CDH4: variants seen among roughly 807,000 people sequenced by gnomAD.
CDH4 encodes the protein cadherin-4.
CDH4 carries 33 observed loss-of-function variants against 86.0 expected under a neutral mutation model. That is an observed-to-expected ratio of 0.38 (90% CI 0.29 to 0.51). The LOEUF is 0.51. Ranked by LOEUF, CDH4 falls within the 20% of genes least tolerant of loss-of-function variation. CDH4 has a pLI of 0.86. For missense variants in CDH4, 1,114 were observed against 1,307.4 expected (o/e 0.85, Z 2.28); for synonymous variants, 555 against 549.4 (o/e 1.01, Z -0.14).
intron 2 of CDH4, among the ~76,000 whole-genome samples, chr20:61,313,445 G>A (rs2084458801): frequency 6.6e-6 from 1 of 152,140 alleles, no homozygotes; most frequent in Non-Finnish European, 1.5e-5. Context: ...GTTCACCATT[G>A]AGTCGCCCTT....
At chr20:61,545,652 G>A (rs544703181) in intron 2 of CDH4, among the ~76,000 whole-genome samples, 53 of 152,324 alleles carry the variant, frequency 3.5e-4, no homozygotes, top group African/African-American at 1.1e-3. Context: ...TGGCAGAGCC[G>A]TCAAGAGAAC....
chr20:61,823,593 T>C (rs190809279), intron 4 of CDH4, among the ~76,000 whole-genome samples: 8 of 152,272 alleles, frequency 5.3e-5, no homozygotes, highest in Admixed American at 5.2e-4. Flanking sequence ...TCAAAACTTG[T>C]CCAAAGATAC....
intron 8 of CDH4, among the ~76,000 whole-genome samples, chr20:61,908,929 G>A (rs1016887056): frequency 6.6e-6 from 1 of 152,354 alleles, no homozygotes; most frequent in Middle Eastern, 3.4e-3. Context: ...CTGCACCTGA[G>A]GGCTTCTCCG....
intron 2 of CDH4, among the ~76,000 whole-genome samples, chr20:61,431,879 A>T (rs2085248687): frequency 6.6e-6 from 1 of 151,888 alleles, no homozygotes; most frequent in Admixed American, 6.6e-5. Context: ...GTTTTATGTA[A>T]ATGGGGTAGT....
intron 2 of CDH4, chr20:61,717,943 C>G (rs1463746240): frequency 6.6e-6 from 1 of 152,210 alleles, no homozygotes; most frequent in Non-Finnish European, 1.5e-5. Flanking sequence ...GGCCGAGGAG[C>G]CCACCGCCTG....
chr20:61,380,259 T>G (rs900203987), intron 2 of CDH4, among the ~76,000 whole-genome samples: 1 of 152,146 alleles, frequency 6.6e-6, no homozygotes, highest in South Asian at 2.1e-4. Flanking sequence ...AAAAAATCCA[T>G]CTTACTATAC....
intron 2 of CDH4, among the ~76,000 whole-genome samples, chr20:61,650,010 T>G (rs1028037422): frequency 6.6e-6 from 1 of 152,190 alleles, no homozygotes; most frequent in Non-Finnish European, 1.5e-5. Flanking sequence ...CTCCCCAGGT[T>G]GTGCCAGCAG....
At chr20:61,458,936 G>A (rs990119392) in intron 2 of CDH4, among the ~76,000 whole-genome samples, 2 of 150,366 alleles carry the variant, frequency 1.3e-5, no homozygotes, top group African/African-American at 4.9e-5. Context: ...TCCTACATCT[G>A]AGCTTCTGCT....
intron 2 of CDH4, among the ~76,000 whole-genome samples, chr20:61,317,718 C>T (rs2084484442): frequency 6.6e-6 from 1 of 152,174 alleles, no homozygotes; most frequent in Non-Finnish European, 1.5e-5. Flanking sequence ...CCCAGTGTCC[C>T]CTGGGAGCAG....
At chr20:61,409,140 G>A (rs11698218) in intron 2 of CDH4, among the ~76,000 whole-genome samples, 32,830 of 152,168 alleles carry the variant, frequency 0.22, 4,586 homozygotes, top group East Asian at 0.54. Context: ...ACTCCATCAC[G>A]TGGTGGGGAC....
At chr20:61,318,476 G>A (rs6028111) in intron 2 of CDH4, among the ~76,000 whole-genome samples, 9 of 152,186 alleles carry the variant, frequency 5.9e-5, no homozygotes, top group South Asian at 2.1e-4. Flanking sequence ...TCATCTCTTA[G>A]GATTAACTGG....
intron 2 of CDH4, among the ~76,000 whole-genome samples, chr20:61,701,808 C>T (rs2087779688): frequency 6.6e-6 from 1 of 152,218 alleles, no homozygotes; most frequent in African/African-American, 2.4e-5. Flanking sequence ...ATTGGCAAAA[C>T]ATTTCCAGAT....
chr20:61,340,971 C>T (rs2084646478), intron 2 of CDH4, among the ~76,000 whole-genome samples: 1 of 152,228 alleles, frequency 6.6e-6, no homozygotes, highest in Non-Finnish European at 1.5e-5. Flanking sequence ...TGCCAAGCAA[C>T]AGAAAGCAAC....
At chr20:61,899,404 C>T (rs1047576851) in intron 8 of CDH4, among the ~76,000 whole-genome samples, 5 of 152,144 alleles carry the variant, frequency 3.3e-5, no homozygotes, top group African/African-American at 9.7e-5. Context: ...TTCCCCGTCC[C>T]AAGCAAGCAT....
At chr20:61,411,485 T>C (rs1207837196) in intron 2 of CDH4, among the ~76,000 whole-genome samples, 4 of 151,750 alleles carry the variant, frequency 2.6e-5, no homozygotes, top group Non-Finnish European at 5.9e-5. Flanking sequence ...AGTTTTCAAA[T>C]GGGCAGCCTT....
At chr20:61,679,307 T>G (rs1482571371) in intron 2 of CDH4, among the ~76,000 whole-genome samples, 1 of 152,098 alleles carries the variant, frequency 6.6e-6, no homozygotes, top group African/African-American at 2.4e-5. Flanking sequence ...AGAACAGAGG[T>G]TCTAAATTTG....
intron 8 of CDH4, among the ~76,000 whole-genome samples, chr20:61,898,239 C>A (rs893129666): frequency 3.3e-5 from 5 of 152,364 alleles, no homozygotes; most frequent in Non-Finnish European, 7.3e-5. Context: ...TTTTACCAAG[C>A]CTAATCAAGA....
At position 61,252,611 on chromosome 20, in the gene CDH4, G is replaced by C; in HGVS notation, c.57+41G>C. On this transcript the variant is annotated intron_variant, in intron 1 of 15. Coordinates refer to ENST00000614565, the MANE Select transcript of CDH4 (RefSeq NM_001794.5). The surrounding 1 kb of genome is among the most constrained non-coding windows in gnomAD (Gnocchi z 4.4). ...CCGCCCCCGCCGTTCGGAAGCCCCG[G>C]GCAGCGGGAGGTCGTCCCCGGATCC... is the stretch of plus-strand genomic sequence containing the variant. 8.6e-7 allele frequency: 1 copy of C among 1,164,046 alleles called. No individual in the cohort carries two copies. Among genetic ancestry groups the C allele is most frequent in the Non-Finnish European group, 1.1e-6 (1 of 934,604 alleles). The allele number at this position is 1,164,046 out of a possible 1,614,324, so 72.1% of individuals were successfully genotyped here. A position where few individuals can be genotyped will look rare whatever the true frequency, so the allele number is the denominator to read the frequency against.
intron 2 of CDH4, among the ~76,000 whole-genome samples, chr20:61,657,880 C>A (rs1400236937): frequency 6.6e-6 from 1 of 152,146 alleles, no homozygotes; most frequent in Non-Finnish European, 1.5e-5. Context: ...TGTGCTACGT[C>A]ACGGTGCCGG....
Sources: allele counts gnomAD v4.1 joint callset (sites outside exome capture counted in the v4.1 genomes callset), GRCh38; gene constraint gnomAD v4.1.1; non-coding constraint Gnocchi (gnomAD v3.1); transcripts MANE v1.5; gene names NCBI Gene and HGNC (gene_info 2026-07-23, HGNC 2026-07-21).